The following ZBTB14 variants were observed in gnomAD, a reference collection of about 807,000 sequenced individuals.
The protein encoded by ZBTB14 is zinc finger and BTB domain-containing protein 14.
ZBTB14 carries 8 observed loss-of-function variants against 29.5 expected under a neutral mutation model. The observed-to-expected ratio is 0.27, with a 90% confidence interval of 0.16 to 0.49. The LOEUF is 0.49. Ranked by LOEUF, ZBTB14 falls within the 20% of genes least tolerant of loss-of-function variation. ZBTB14 has a pLI of 0.99. For synonymous variants in ZBTB14, 226 were observed against 207.2 expected (o/e 1.09, Z -0.78); for missense variants, 333 against 563.8 (o/e 0.59, Z 4.15).
intron 2 of ZBTB14, 53 bp downstream of exon 2, chr18:5,293,919 C>T (rs1468746575): frequency 1.3e-5 from 2 of 152,194 alleles, no homozygotes; most frequent in Admixed American, 6.5e-5. Context: ...TTACCTCTAT[C>T]CCTACAATAA....
At position 5,289,888 on chromosome 18, in the gene ZBTB14, C is replaced by G. The variant is rs2789; in HGVS notation, c.*970G>C. ...CTTTATGGATAAATCATGTGCCCCA[C>G]AGAGCCCCAAAGCTTGATGACATTC... On this transcript the variant is annotated 3_prime_UTR_variant, in exon 4 of 4. Transcript: ENST00000651870. 60,532 of 152,274 alleles carry G rather than the reference C, an allele frequency of 0.4. 12,496 individuals are homozygous for G. The highest frequency in any genetic ancestry group is 0.45 in the Middle Eastern group (132 of 294). 9.4% of individuals were successfully genotyped at this position (152,274 alleles called of 1,614,324 possible).
At position 5,294,045 on chromosome 18, in the gene ZBTB14, A is replaced by G. The variant is rs181925208; in HGVS notation, c.-111-44T>C. 801 of 152,370 alleles carry G rather than the reference A, an allele frequency of 5.3e-3. 4 individuals carry two copies. Among genetic ancestry groups the G allele is most frequent in the Non-Finnish European group, 8.5e-3 (581 of 68,060 alleles). The allele number at this position is 152,370 out of a possible 1,614,324, so 9.4% of individuals were successfully genotyped here. A position where few individuals can be genotyped will look rare whatever the true frequency, so the allele number is the denominator to read the frequency against. ...CCTCTACTGAACAGTGACCACACAG[A>G]TAAGTTGTTTGGTGTGGTAGGAGCA... On this transcript the variant is annotated intron_variant, in intron 1 of 3. Coordinates refer to ENST00000651870, the MANE Select transcript of ZBTB14 (RefSeq NM_001243702.2).
At chr18:5,293,157 T>C in intron 3 of ZBTB14, 87 bp downstream of exon 3, 2 of 1,401,806 alleles carry the variant, frequency 1.4e-6, no homozygotes, top group Non-Finnish European at 2.0e-6. Context: ...AATAGAAGTG[T>C]TCATGCACAA....
chr18:5,296,717 C>CA (rs758422778), upstream of ZBTB14, among the ~76,000 whole-genome samples: 3 of 152,024 alleles, frequency 2.0e-5, no homozygotes, highest in African/African-American at 4.8e-5. Flanking sequence ...AGCGCAACCC[C>CA]AGTTGCCCAG....
rs1302856709 is a variant in ZBTB14 at position 5,290,359 on chromosome 18, T to C, written c.*499A>G. On this transcript the variant is annotated 3_prime_UTR_variant, in exon 4 of 4. Transcript: ENST00000651870. The stretch of plus-strand genomic sequence containing the variant: ...CGCCATTCTGCATTTCCAGAACTTT[T>C]TTTATATTTGTGCAGTGTTCTTGGT... 4 of 152,826 alleles carry C rather than the reference T, an allele frequency of 2.6e-5. No homozygotes were observed. The highest frequency in any genetic ancestry group is 2.6e-4 in the Admixed American group (4 of 15,320). The allele number at this position is 152,826 out of a possible 1,614,324, so 9.5% of individuals were successfully genotyped here. A position where few individuals can be genotyped will look rare whatever the true frequency, so the allele number is the denominator to read the frequency against.
At position 5,295,522 on chromosome 18, in the gene ZBTB14, A is replaced by C. The variant is rs955237193; in HGVS notation, c.-112+130T>G. 1.6e-3 allele frequency: 224 copies of C among 142,570 alleles called. 1 individual carries two copies. Among genetic ancestry groups the C allele is most frequent in the African/African-American group, 5.3e-3 (209 of 39,680 alleles). 8.8% of individuals were successfully genotyped at this position (142,570 alleles called of 1,614,324 possible). Reference sequence around the variant, plus strand: ...GGGGCGGCCATGAACTCGGCCGCCGAGGCTCTGCGAGCGCGCGCGCGGGGC... The same window carrying C: ...GGGGCGGCCATGAACTCGGCCGCCGCGGCTCTGCGAGCGCGCGCGCGGGGC... On this transcript the variant is annotated intron_variant, in intron 1 of 3. Transcript: ENST00000651870.
chr18:5,293,370 G>A (rs981719992), intron 2 of ZBTB14, 43 bp from the exon 3 acceptor site: 3 of 981,152 alleles, frequency 3.1e-6, no homozygotes, highest in African/African-American at 1.6e-5. Flanking sequence ...GGATCTTCCT[G>A]TATCCCAAAT....
rs1438625595 is a variant in ZBTB14 at position 5,292,023 on chromosome 18, T to C, written c.185A>G (p.Lys62Arg). 6.2e-7 allele frequency: 1 copy of C among 1,613,324 alleles called. No individual in the cohort carries two copies. The highest frequency in any genetic ancestry group is 8.5e-7 in the Non-Finnish European group (1 of 1,179,894). ...CVLAACSTYF[K>R]KLFKKLEVDS... ...AACCTCAAGCTTCTTGAAAAGCTTT[T>C]TAAAGTAAGTGCTGCAGGCAGCAAG... Residue 62 changes from lysine to arginine, a missense_variant, in exon 4 of 4, where the codon AAA becomes AGA. Physicochemically the swap from Lys to Arg is conservative, Grantham distance 26. Transcript: ENST00000651870.
In ZBTB14 at chr18:5,291,680, G is replaced by A; in HGVS notation, c.528C>T (p.Asp176=). Reference sequence around the variant, plus strand: ...GACTCGGGGGTGTGCCTTCTACTGTGTCATCAGAAGGACTGTCATCCTGAT... The same window carrying A: ...GACTCGGGGGTGTGCCTTCTACTGTATCATCAGAAGGACTGTCATCCTGAT... ...IGDQDDSPSD[D]TVEGTPPSQE... The change falls in exon 4 of 4, where the codon GAC becomes GAT. Residue 176 remains aspartate, a synonymous_variant. Transcript: ENST00000651870. The surrounding 1 kb of genome is among the most constrained non-coding windows in gnomAD (Gnocchi z 5.8). 1 of 1,614,082 alleles carries A rather than the reference G, an allele frequency of 6.2e-7. No homozygotes were observed. The highest frequency in any genetic ancestry group is 8.5e-7 in the Non-Finnish European group (1 of 1,180,034).
At chr18:5,294,885 G>C (rs1300972985) in intron 1 of ZBTB14, 1 of 152,182 alleles carries the variant, frequency 6.6e-6, no homozygotes. Flanking sequence ...TTGCAACTTC[G>C]GAGTCGGGAG....
intron 1 of ZBTB14, 97 bp from the exon 2 acceptor site, chr18:5,294,098 A>C (rs1243811847): frequency 1.3e-5 from 2 of 152,278 alleles, no homozygotes; most frequent in Admixed American, 1.3e-4. Flanking sequence ...AGTCTTACAC[A>C]AAAACCATGG....
At chr18:5,292,380 T>G (rs1014373646) in intron 3 of ZBTB14, among the ~76,000 whole-genome samples, 176 bp from the exon 4 acceptor site, 1 of 152,248 alleles carries the variant, frequency 6.6e-6, no homozygotes, top group Non-Finnish European at 1.5e-5. Context: ...GATCTCCATA[T>G]TGTTACTCCT....
rs1172191926 is a variant in ZBTB14, at chr18:5,295,683, C to G, written c.-143G>C. 1.3e-5 allele frequency: 2 copies of G among 149,916 alleles called. No individual in the cohort carries two copies. Among genetic ancestry groups the G allele is most frequent in the Non-Finnish European group, 3.0e-5 (2 of 67,358 alleles). The allele number at this position is 149,916 out of a possible 1,614,324, so 9.3% of individuals were successfully genotyped here. A position where few individuals can be genotyped will look rare whatever the true frequency, so the allele number is the denominator to read the frequency against. ...GCGCCGCTGGCGGCCGCCGCACATC[C>G]TGGAGCTGGCTGGTGCCCCAGAGCT... On this transcript the variant is annotated 5_prime_UTR_variant, in exon 1 of 4. Coordinates refer to ENST00000651870, the MANE Select transcript of ZBTB14 (RefSeq NM_001243702.2).
chr18:5,295,647 C>G lies in ZBTB14; in HGVS notation c.-112+5G>C, dbSNP rs1368278581. 2 of 147,326 alleles carry G rather than the reference C, an allele frequency of 1.4e-5. No homozygotes were observed. The highest frequency in any genetic ancestry group is 4.9e-5 in the African/African-American group (2 of 40,676). The allele number at this position is 147,326 out of a possible 1,614,324, so 9.1% of individuals were successfully genotyped here. On this transcript the variant is annotated splice_donor_5th_base_variant and intron_variant, in intron 1 of 3. Transcript: ENST00000651870. ...ACCCTGGCCCACGCCCGTCCCCGCT[C>G]GCACCGCGCCGCGCCGCTGGCGGCC...
upstream of ZBTB14, chr18:5,296,954 G>A (rs1043054116): frequency 6.6e-6 from 1 of 152,076 alleles, no homozygotes; most frequent in Middle Eastern, 3.2e-3. Context: ...CGGCGGCTGT[G>A]CCTGTGTCTG....
upstream of ZBTB14, chr18:5,296,237 A>G (rs1461303106): frequency 2.0e-5 from 3 of 150,168 alleles, no homozygotes; most frequent in Admixed American, 2.0e-4. Context: ...ACGCGCGCGC[A>G]CGCGCGCGGC....
rs1242142057 is a variant in ZBTB14 at position 5,291,482 on chromosome 18, A to G, written c.726T>C (p.Asn242=). The part of the protein sequence containing the change: ...GSQTPQALTF[N]DGMSEVKDEQ... The stretch of plus-strand genomic sequence containing the variant: ...CATCTTTCACTTCACTCATCCCATC[A>G]TTAAATGTTAAGGCTTGAGGGGTCT... Residue 242 remains asparagine, a synonymous_variant, in exon 4 of 4, where the codon AAT becomes AAC. Coordinates refer to ENST00000651870, the MANE Select transcript of ZBTB14 (RefSeq NM_001243702.2). The surrounding 1 kb of genome is among the most constrained non-coding windows in gnomAD (Gnocchi z 5.8). The G allele has an allele frequency of 1.9e-6, 3 of 1,614,056 alleles. No homozygotes were observed. The African/African-American group carries it at 4.0e-5, about 22-fold the overall frequency.
chr18:5,295,705 A>T lies in ZBTB14; in HGVS notation c.-165T>A, dbSNP rs1284627927. ...ATCCTGGAGCTGGCTGGTGCCCCAG[A>T]GCTCGGCGAGAACGCGCGTCTTCCG... On this transcript the variant is annotated 5_prime_UTR_variant, in exon 1 of 4. Transcript: ENST00000651870. 1 of 150,010 alleles carries T rather than the reference A, an allele frequency of 6.7e-6. No homozygotes were observed. Among genetic ancestry groups the T allele is most frequent in the Non-Finnish European group, 1.5e-5 (1 of 67,638 alleles). 9.3% of individuals were successfully genotyped at this position (150,010 alleles called of 1,614,324 possible). A position where few individuals can be genotyped will look rare whatever the true frequency, so the allele number is the denominator to read the frequency against.
Position 5,290,595 on chromosome 18 carries a change from A to AT in ZBTB14, c.*262dup, listed in dbSNP as rs2071788742. The AT allele has an allele frequency of 1.3e-5, 5 of 396,934 alleles. No individual in the cohort carries two copies. The East Asian group carries it at 1.7e-4, about 14-fold the overall frequency. The allele number at this position is 396,934 out of a possible 1,614,324, so 24.6% of individuals were successfully genotyped here. On this transcript the variant is annotated 3_prime_UTR_variant, in exon 4 of 4. Coordinates refer to ENST00000651870, the MANE Select transcript of ZBTB14 (RefSeq NM_001243702.2). ...ACACAGGAGTTCTCAAATTAAAATAATAAAAAAAAAAAAGGGAGAGAGGTG... is the reference window on the plus strand; with the variant it reads ...ACACAGGAGTTCTCAAATTAAAATAATTAAAAAAAAAAAAGGGAGAGAGGTG...
Sources: allele counts gnomAD v4.1 joint callset (sites outside exome capture counted in the v4.1 genomes callset), GRCh38; gene constraint gnomAD v4.1.1; non-coding constraint Gnocchi (gnomAD v3.1); transcripts MANE v1.5; gene names NCBI Gene and HGNC (gene_info 2026-07-23, HGNC 2026-07-21).